HELLS: variants seen among roughly 807,000 people sequenced by gnomAD.
The protein encoded by HELLS is helicase, lymphoid specific.
In HELLS, 32 loss-of-function variants were observed where a neutral mutation model predicts 120.0. The observed-to-expected ratio is 0.27, with a 90% CI of 0.20 to 0.36. The LOEUF (loss-of-function observed/expected upper bound fraction) is 0.36. HELLS is among the 10% of genes least tolerant of loss of function. HELLS has a pLI of 1.00. For missense variants in HELLS, 650 were observed against 993.4 expected (o/e 0.65, Z 4.65); for synonymous variants, 341 against 323.4 (o/e 1.05, Z -0.58).
At chr10:94,582,442 T>C (rs2134082288) in intron 11 of HELLS, among the ~76,000 whole-genome samples, 1 of 152,310 alleles carries the variant, frequency 6.6e-6, no homozygotes, top group East Asian at 1.9e-4. Context: ...GGTATAATGT[T>C]ACCTATTCTA....
chr10:94,554,644 G>GTTTTTTTTTTT (rs199878580), intron 3 of HELLS, among the ~76,000 whole-genome samples: 4 of 103,072 alleles, frequency 3.9e-5, no homozygotes, highest in Non-Finnish European at 2.0e-5. Context: ...AAGTAATAGT[G>GTTTTTTTTTTT]TTTTTTTTTT....
exon 10 of HELLS, chr10:94,612,848 C>T (rs947148985): frequency 6.6e-6 from 1 of 152,190 alleles, no homozygotes; most frequent in African/African-American, 2.4e-5. Flanking sequence ...ATCACTTGAA[C>T]CCAGAAGACA....
chr10:94,573,971 C>T lies in HELLS; in HGVS notation c.489C>T (p.Ser163=). ...KNKKENEDEN[S]SSTNLCVEDL... is the part of the protein sequence containing the mutation. ...TTTTTTCTCTACAGGATGAAAACTC[C>T]TCCTCTACTAATCTCTGTGTGGAAG... The change falls in exon 8 of 22, where the codon TCC becomes TCT. Residue 163 remains serine (S), a synonymous_variant. Transcript: ENST00000348459. 4 of 1,597,124 alleles carry T rather than the reference C, an allele frequency of 2.5e-6. No individual in the cohort carries two copies. The highest frequency in any genetic ancestry group is 3.4e-6 in the Non-Finnish European group (4 of 1,165,750).
chr10:94,574,480 A>G, intron 8 of HELLS, 74 bp from the exon 9 acceptor site: 1 of 1,137,096 alleles, frequency 8.8e-7, no homozygotes, highest in Admixed American at 2.0e-5. Flanking sequence ...TTTTTTAAAG[A>G]GAAGAAATAA....
intron 7 of HELLS, 91 bp from the exon 8 acceptor site, chr10:94,573,869 C>T (rs1844305724): frequency 1.4e-6 from 1 of 708,506 alleles, no homozygotes; most frequent in Non-Finnish European, 2.5e-6. Flanking sequence ...TTATAGGACT[C>T]AGTAGATTTT....
At chr10:94,591,408 A>C (rs945734533) in intron 15 of HELLS, among the ~76,000 whole-genome samples, 4 of 152,236 alleles carry the variant, frequency 2.6e-5, no homozygotes, top group Admixed American at 6.5e-5. Flanking sequence ...AGTTGATAGA[A>C]TGATAGCATA....
At chr10:94,593,743 A>G (rs760967506) in intron 18 of HELLS, 128 bp downstream of exon 18, 25 of 588,268 alleles carry the variant, frequency 4.2e-5, no homozygotes, top group Non-Finnish European at 6.5e-5. Context: ...GCTCACTGCA[A>G]CCTTCACCTC....
intron 12 of HELLS, among the ~76,000 whole-genome samples, chr10:94,586,229 T>C (rs1845139583): frequency 6.6e-6 from 1 of 152,124 alleles, no homozygotes; most frequent in Non-Finnish European, 1.5e-5. Flanking sequence ...CACGCTATTC[T>C]CCTGCCTCAG....
downstream of HELLS, among the ~76,000 whole-genome samples, chr10:94,605,365 G>GAGCC (rs1353415304): frequency 6.6e-6 from 1 of 152,114 alleles, no homozygotes; most frequent in Non-Finnish European, 1.5e-5. Flanking sequence ...CTACAGGTGT[G>GAGCC]AGCCACTGCG....
At chr10:94,551,811 C>T (rs908852429) in intron 2 of HELLS, among the ~76,000 whole-genome samples, 4 of 151,452 alleles carry the variant, frequency 2.6e-5, no homozygotes, top group African/African-American at 9.7e-5. Flanking sequence ...GCGATCTCGG[C>T]TCACTGCAAG....
At chr10:94,575,765 TTGTGTTTG>T (rs1379937078) in intron 9 of HELLS, among the ~76,000 whole-genome samples, 449 of 38,700 alleles carry the variant, frequency 0.012, 5 homozygotes, top group East Asian at 0.04. Flanking sequence ...GGGGGGGGGG[TTGTGTTTG>T]TGTGTGTGTG....
intron 6 of HELLS, chr10:94,570,036 T>TA (rs1300724204): frequency 7.9e-5 from 12 of 151,876 alleles, no homozygotes; most frequent in African/African-American, 2.9e-4. Flanking sequence ...TTTTTATTTT[T>TA]TTTTTTATTT....
At chr10:94,610,102 C>G (rs750432923) in exon 10 of HELLS, 1 of 152,132 alleles carries the variant, frequency 6.6e-6, no homozygotes, top group African/African-American at 2.4e-5. Context: ...TCACATTTCA[C>G]CTAGAATGTA....
intron 2 of HELLS, 23 bp downstream of exon 2, chr10:94,546,521 C>A: frequency 6.2e-7 from 1 of 1,613,456 alleles, no homozygotes; most frequent in Non-Finnish European, 8.5e-7. Context: ...TCAGGTTCGT[C>A]GTCGTGAAAG....
chr10:94,554,787 G>A lies in HELLS; in HGVS notation c.276+539G>A, dbSNP rs539244016. 3.3e-5 allele frequency among the ~76,000 whole-genome samples: 5 copies of A among 151,842 alleles called. No individual in the cohort carries two copies. In the South Asian group the frequency reaches 6.3e-4, roughly 19 times the overall value. On this transcript the variant is annotated intron_variant, in intron 3 of 21. Coordinates refer to ENST00000348459, the MANE Select transcript of HELLS (RefSeq NM_018063.5). Reference sequence around the variant, plus strand: ...CTCACCCTCAACTTTGAGGAAAAGAGACTGAAAGTTAACTTGTTCACCAGT... The same window carrying A: ...CTCACCCTCAACTTTGAGGAAAAGAAACTGAAAGTTAACTTGTTCACCAGT...
At chr10:94,590,022 G>A (rs1452739082) in intron 13 of HELLS, among the ~76,000 whole-genome samples, 1 of 152,074 alleles carries the variant, frequency 6.6e-6, no homozygotes, top group East Asian at 1.9e-4. Context: ...ATAATTAAAG[G>A]AAGGGTCTAG....
At chr10:94,555,396 C>T (rs1163349842) in intron 3 of HELLS, among the ~76,000 whole-genome samples, 1 of 151,994 alleles carries the variant, frequency 6.6e-6, no homozygotes, top group African/African-American at 2.4e-5. Flanking sequence ...GAGATTGCAC[C>T]CCTGGACTCC....
downstream of HELLS, among the ~76,000 whole-genome samples, chr10:94,602,451 G>A (rs1846071979): frequency 6.6e-6 from 1 of 152,118 alleles, no homozygotes; most frequent in African/African-American, 2.4e-5. Flanking sequence ...GCCAAAAGAG[G>A]CACAATTTAG....
chr10:94,603,405 G>A (rs1215283416), downstream of HELLS, among the ~76,000 whole-genome samples: 1 of 152,064 alleles, frequency 6.6e-6, no homozygotes, highest in Admixed American at 6.6e-5. Flanking sequence ...TTGGCTTCTA[G>A]GAAACATATT....
Sources: gnomAD v4.1 joint callset for allele counts (sites outside exome capture counted in the v4.1 genomes callset) on GRCh38, gnomAD v4.1.1 for gene constraint, MANE v1.5 for transcripts, NCBI Gene and HGNC (gene_info 2026-07-23, HGNC 2026-07-21) for gene names.